EXT2: variants seen among roughly 807,000 people sequenced by gnomAD.
The protein encoded by EXT2 is exostosin-2.
EXT2 carries 53 observed loss-of-function variants against 81.6 expected under a neutral mutation model. That is an observed-to-expected ratio of 0.65 (90% CI 0.52 to 0.82). EXT2 has a LOEUF of 0.82. Ranked by LOEUF, EXT2 falls within the 40% of genes least tolerant of loss-of-function variation. EXT2 has a pLI of 0.00. For synonymous variants in EXT2, 320 were observed against 340.0 expected, an observed-to-expected ratio of 0.94 and a Z score of 0.65; for missense variants, 774 against 910.2, an observed-to-expected ratio of 0.85 and a Z score of 1.93.
chr11:44,127,662 C>T (rs1322394515), intron 6 of EXT2, among the ~76,000 whole-genome samples: 5 of 152,260 alleles, frequency 3.3e-5, no homozygotes, highest in Admixed American at 6.5e-5. Flanking sequence ...TAGCCTAGAC[C>T]GGTGTTCAAC....
intron 10 of EXT2, among the ~76,000 whole-genome samples, chr11:44,231,338 G>A (rs1278103514): frequency 1.3e-5 from 2 of 152,216 alleles, no homozygotes; most frequent in East Asian, 3.8e-4. Flanking sequence ...ATGATTTATT[G>A]AGATGGAGAA....
At chr11:44,226,802 T>C (rs1460756430) in intron 10 of EXT2, among the ~76,000 whole-genome samples, 1 of 152,258 alleles carries the variant, frequency 6.6e-6, no homozygotes, top group East Asian at 1.9e-4. Context: ...GACCCAGCCA[T>C]GTGACAGCAA....
At chr11:44,189,444 T>A (rs539354457) in intron 8 of EXT2, among the ~76,000 whole-genome samples, 1 of 152,344 alleles carries the variant, frequency 6.6e-6, no homozygotes, top group East Asian at 1.9e-4. Context: ...AGAGGTTTAA[T>A]TGGCTCTTGT....
chr11:44,138,539 C>T (rs140652728), intron 7 of EXT2, among the ~76,000 whole-genome samples: 59 of 151,660 alleles, frequency 3.9e-4, no homozygotes, highest in Non-Finnish European at 2.8e-4. Flanking sequence ...CAGTGGGTCA[C>T]GACTGGCATT....
chr11:44,243,851 G>A (rs967414694), intron 13 of EXT2, among the ~76,000 whole-genome samples: 2 of 151,850 alleles, frequency 1.3e-5, no homozygotes. Context: ...TGAGGGGGAG[G>A]GGAAAAGATA....
At position 44,113,439 on chromosome 11, in the gene EXT2, T is replaced by G. The variant is rs184216940; in HGVS notation, c.627-746T>G. ...CACCTGCTTCCTTTCTCTGATGAAG[T>G]GTCATTGTACTACTTGCTGGATCCA... On this transcript the variant is annotated intron_variant, in intron 3 of 13. Coordinates refer to ENST00000533608, the MANE Select transcript of EXT2 (RefSeq NM_207122.2). 2.2e-4 allele frequency among the ~76,000 whole-genome samples: 33 copies of G among 152,330 alleles called. 1 individual carries two copies. The highest frequency in any genetic ancestry group is 1.7e-3 in the Admixed American group (26 of 15,304).
intron 7 of EXT2, among the ~76,000 whole-genome samples, chr11:44,170,665 G>A (rs12276069): frequency 0.023 from 3,428 of 152,218 alleles, 149 homozygotes; most frequent in African/African-American, 0.078. Flanking sequence ...TGAATGCACA[G>A]CTTTATTTCA....
chr11:44,170,810 TCACACACACACACACACACA>T (rs58131996), intron 7 of EXT2, among the ~76,000 whole-genome samples: 9 of 145,552 alleles, frequency 6.2e-5, no homozygotes, highest in Non-Finnish European at 9.1e-5. Context: ...ACGTTCACAT[TCACACACACACACACACACA>T]CACACACACA....
At chr11:44,198,901 G>A (rs1304515212) in intron 9 of EXT2, among the ~76,000 whole-genome samples, 2 of 152,198 alleles carry the variant, frequency 1.3e-5, no homozygotes, top group Non-Finnish European at 2.9e-5. Context: ...TAGATCTATA[G>A]TCTAGGCTGG....
At chr11:44,211,304 A>G (rs773017942) in intron 10 of EXT2, among the ~76,000 whole-genome samples, 1 of 152,232 alleles carries the variant, frequency 6.6e-6, no homozygotes, top group Non-Finnish European at 1.5e-5. Context: ...TGAAATCAGT[A>G]TATTGAAGAG....
intron 1 of EXT2, among the ~76,000 whole-genome samples, chr11:44,106,754 C>A (rs1954061155): frequency 1.3e-5 from 2 of 152,170 alleles, no homozygotes; most frequent in African/African-American, 4.8e-5. Context: ...CTCAGCCTCC[C>A]AACTAGCTGG....
chr11:44,203,620 G>A (rs1417908855), intron 9 of EXT2, among the ~76,000 whole-genome samples: 1 of 152,132 alleles, frequency 6.6e-6, no homozygotes, highest in East Asian at 1.9e-4. Flanking sequence ...TCCTGGAGGG[G>A]TGCTGTTAAA....
At chr11:44,144,240 C>T (rs1286926724) in intron 7 of EXT2, 2 of 1,597,594 alleles carry the variant, frequency 1.3e-6, no homozygotes, top group East Asian at 4.5e-5. Context: ...TCCAATTCAC[C>T]TTTCAGCTCT....
chr11:44,139,917 TA>T (rs1321905489), intron 7 of EXT2, among the ~76,000 whole-genome samples: 1 of 152,106 alleles, frequency 6.6e-6, no homozygotes, highest in Admixed American at 6.6e-5. Flanking sequence ...CTTCTGATAT[TA>T]AAATTGAAGA....
intron 8 of EXT2, among the ~76,000 whole-genome samples, chr11:44,190,105 G>A (rs1955371848): frequency 1.3e-5 from 2 of 152,144 alleles, no homozygotes; most frequent in South Asian, 4.1e-4. Flanking sequence ...TCATTGCCCT[G>A]CTTCAAAGGC....
chr11:44,184,265 AT>A (rs547184279), intron 8 of EXT2, among the ~76,000 whole-genome samples: 24 of 152,102 alleles, frequency 1.6e-4, no homozygotes, highest in Non-Finnish European at 2.8e-4. Flanking sequence ...GTTCCAGGGA[AT>A]TTTATTTTTT....
chr11:44,173,012 G>C (rs1272754250), intron 8 of EXT2, among the ~76,000 whole-genome samples: 1 of 152,148 alleles, frequency 6.6e-6, no homozygotes, highest in Non-Finnish European at 1.5e-5. Flanking sequence ...CTGGGTTTTA[G>C]GCACTCTGAG....
chr11:44,146,999 G>A (rs1954727052), intron 7 of EXT2, among the ~76,000 whole-genome samples: 1 of 152,194 alleles, frequency 6.6e-6, no homozygotes, highest in Non-Finnish European at 1.5e-5. Context: ...GAGGACAGAA[G>A]GTGGCAGAGG....
At chr11:44,099,431 C>T (rs958845548) in intron 1 of EXT2, among the ~76,000 whole-genome samples, 1 of 152,096 alleles carries the variant, frequency 6.6e-6, no homozygotes, top group Non-Finnish European at 1.5e-5. Context: ...GTGATTCGCC[C>T]GCCTCCACCT....
Sources: allele counts gnomAD v4.1 joint callset (sites outside exome capture counted in the v4.1 genomes callset), GRCh38; gene constraint gnomAD v4.1.1; transcripts MANE v1.5; gene names NCBI Gene and HGNC (gene_info 2026-07-23, HGNC 2026-07-21).